The following GNB5 variants were observed in gnomAD, a reference collection of about 807,000 sequenced individuals.
GNB5 encodes the protein G protein subunit beta 5.
Under a neutral mutation model 55.3 loss-of-function variants are expected in GNB5, and 37 were observed. The observed-to-expected ratio is 0.67, with a 90% CI of 0.51 to 0.88. GNB5 has a LOEUF of 0.88. Among genes scored for constraint, GNB5 ranks in the 40% least tolerant of loss-of-function variants. The probability of loss-of-function intolerance (pLI) is 0.00; values close to 1 mark genes in which losing one functional copy is unlikely to be tolerated. For synonymous variants in GNB5, 219 were observed against 198.5 expected (o/e 1.10, Z -0.87); for missense variants, 476 against 515.3 (o/e 0.92, Z 0.74).
In GNB5 at chr15:52,116,671, G is replaced by A. The variant is rs1270491141; in HGVS notation, c.*6086C>T. 6.6e-6 allele frequency: 1 copy of A among 152,134 alleles called. No individual in the cohort carries two copies. The highest frequency in any genetic ancestry group is 1.5e-5 in the Non-Finnish European group (1 of 68,016). 9.4% of individuals were successfully genotyped at this position (152,134 alleles called of 1,614,324 possible). On this transcript the variant is annotated 3_prime_UTR_variant, in exon 13 of 13. Transcript: ENST00000261837. The stretch of plus-strand genomic sequence containing the variant: ...AATAGAGCTGGGGAGGCCATGAAGA[G>A]GGGATTCTCATGCTTGTATGCCTAA...
intron 9 of GNB5, chr15:52,128,582 A>G: frequency 1.8e-6 from 1 of 553,006 alleles, no homozygotes; most frequent in East Asian, 4.4e-5. Context: ...AGTGGTTATG[A>G]GCACAGACAC....
intron 7 of GNB5, chr15:52,137,400 C>T (rs941288965): frequency 9.7e-7 from 1 of 1,030,418 alleles, no homozygotes. Context: ...GAGAGACAAA[C>T]TCCAGGGGGG....
At chr15:52,128,131 TC>T (rs2033474733) in intron 10 of GNB5, 64 bp downstream of exon 10, 1 of 1,038,844 alleles carries the variant, frequency 9.6e-7, no homozygotes. Context: ...ATAGTTATTT[TC>T]TTAAAATAAG....
At chr15:52,133,301 G>T in intron 9 of GNB5, 77 bp downstream of exon 9, 2 of 986,586 alleles carry the variant, frequency 2.0e-6, no homozygotes, top group Non-Finnish European at 3.2e-6. Flanking sequence ...TCTGGAGGCG[G>T]TTCCTGGGCT....
intron 3 of GNB5, among the ~76,000 whole-genome samples, chr15:52,156,309 C>G (rs1033545699): frequency 1.3e-5 from 2 of 152,216 alleles, no homozygotes; most frequent in African/African-American, 4.8e-5. Flanking sequence ...CCTTCCCTGT[C>G]CTTGCTCTAA....
intron 3 of GNB5, among the ~76,000 whole-genome samples, chr15:52,158,214 T>G (rs1300287719): frequency 1.3e-5 from 2 of 152,250 alleles, no homozygotes; most frequent in East Asian, 3.9e-4. Context: ...GGTCAAAGCC[T>G]GGCTCTGTCG....
rs540360753 is a variant in GNB5 at position 52,147,166 on chromosome 15, G to GT, written c.494+292dup. ...TTATGAAAGAGAGTTTTATGGTTTT[G>GT]TTTTTTTTTTTTTTTTTTAAAGAGA... On this transcript the variant is annotated intron_variant, in intron 6 of 12. Coordinates refer to ENST00000261837, the MANE Select transcript of GNB5 (RefSeq NM_016194.4). The GT allele has an allele frequency of 0.051, 9,090 of 176,922 alleles. 338 individuals are homozygous for GT. The highest frequency in any genetic ancestry group is 0.14 in the African/African-American group (4,991 of 36,924). The allele number at this position is 176,922 out of a possible 1,614,324, so 11.0% of individuals were successfully genotyped here.
At chr15:52,132,629 CCTG>C (rs996599076) in intron 9 of GNB5, among the ~76,000 whole-genome samples, 1 of 111,958 alleles carries the variant, frequency 8.9e-6, no homozygotes, top group Admixed American at 8.4e-5. Flanking sequence ...ATCACCATGC[CCTG>C]CTAATTTTTT....
At chr15:52,174,541 T>G in intron 3 of GNB5, among the ~76,000 whole-genome samples, 1 of 152,112 alleles carries the variant, frequency 6.6e-6, no homozygotes, top group Non-Finnish European at 1.5e-5. Flanking sequence ...TATTAATACT[T>G]CCTATATTTA....
chr15:52,127,487 T>C (rs963994189), intron 10 of GNB5, among the ~76,000 whole-genome samples: 1 of 152,152 alleles, frequency 6.6e-6, no homozygotes, highest in Non-Finnish European at 1.5e-5. Flanking sequence ...TATAATTATA[T>C]TTTGTTATAA....
In GNB5 at chr15:52,124,584, G is replaced by A. The variant is rs757185519; in HGVS notation, c.1065C>T (p.Leu355=). Residue 355 remains leucine, a synonymous_variant, in exon 12 of 13, where the codon CTC becomes CTT. Coordinates refer to ENST00000261837, the MANE Select transcript of GNB5 (RefSeq NM_016194.4). ...ACAGGATGGAGACCCGGGACCCTTT[G>A]AGAACATCCCAGACGTTGATAGTGT... ...NDYTINVWDV[L]KGSRVSILFG... 62 of 1,613,840 alleles carry A rather than the reference G, an allele frequency of 3.8e-5. No individual in the cohort carries two copies. The highest frequency in any genetic ancestry group is 3.6e-5 in the Non-Finnish European group (43 of 1,179,802).
At chr15:52,139,297 C>T (rs371114488) in intron 7 of GNB5, among the ~76,000 whole-genome samples, 11 of 152,026 alleles carry the variant, frequency 7.2e-5, no homozygotes, top group African/African-American at 2.7e-4. Flanking sequence ...CAAAAATTAG[C>T]CAGGCATGGT....
chr15:52,156,682 G>A (rs1366543225), intron 3 of GNB5, among the ~76,000 whole-genome samples: 1 of 152,164 alleles, frequency 6.6e-6, no homozygotes, highest in Non-Finnish European at 1.5e-5. Context: ...GTGGGCAGAG[G>A]TCGCAGTGAG....
intron 6 of GNB5, among the ~76,000 whole-genome samples, chr15:52,145,063 C>T (rs2033941394): frequency 6.6e-6 from 1 of 152,154 alleles, no homozygotes; most frequent in Non-Finnish European, 1.5e-5. Flanking sequence ...CTCAAATTTG[C>T]AGCCAGTATC....
intron 3 of GNB5, among the ~76,000 whole-genome samples, chr15:52,167,378 A>G (rs1465136847): frequency 6.6e-6 from 1 of 152,222 alleles, no homozygotes; most frequent in Admixed American, 6.5e-5. Flanking sequence ...CAACAAAAAA[A>G]GAAAACTTTG....
intron 6 of GNB5, among the ~76,000 whole-genome samples, chr15:52,143,376 T>C (rs551647603): frequency 2.5e-4 from 38 of 152,324 alleles, no homozygotes; most frequent in African/African-American, 8.7e-4. Context: ...GCATCCAGTG[T>C]CGAATCTCTG....
chr15:52,156,132 T>A lies in GNB5; in HGVS notation c.239-2056A>T, dbSNP rs116383399. On this transcript the variant is annotated intron_variant, in intron 3 of 12. Transcript: ENST00000261837. ...TTCATTCATTTACATTAGTAGAGAC[T>A]CATGGGTTCTTACTTTATTCAAGAG... Among the ~76,000 whole-genome samples, 825 of 152,330 alleles carry A rather than the reference T, an allele frequency of 5.4e-3. 9 individuals carry two copies. The highest frequency in any genetic ancestry group is 0.019 in the African/African-American group (795 of 41,572).
intron 7 of GNB5, chr15:52,139,742 C>G (rs994740514): frequency 8.7e-7 from 1 of 1,144,970 alleles, no homozygotes; most frequent in Non-Finnish European, 1.1e-6. Flanking sequence ...GCGTCCCCGC[C>G]GAGGTAGCCA....
chr15:52,148,452 C>T (rs761299709), intron 5 of GNB5, among the ~76,000 whole-genome samples: 67 of 152,012 alleles, frequency 4.4e-4, no homozygotes, highest in Non-Finnish European at 8.5e-4. Context: ...TGAGAACCAC[C>T]GTGGCACACA....
Sources: allele counts gnomAD v4.1 joint callset (sites outside exome capture counted in the v4.1 genomes callset), GRCh38; gene constraint gnomAD v4.1.1; transcripts MANE v1.5; gene names NCBI Gene and HGNC (gene_info 2026-07-23, HGNC 2026-07-21).